The following PARD3 variants were observed in gnomAD, a reference collection of about 807,000 sequenced individuals.
PARD3 encodes partitioning defective 3 homolog.
In PARD3, 75 loss-of-function variants were observed where a neutral mutation model predicts 155.4. The ratio of observed to expected loss-of-function variants is 0.48; its 90% CI spans 0.40 to 0.58. The LOEUF (loss-of-function observed/expected upper bound fraction) is 0.58, where lower values mean the gene tolerates loss of function less well. Ranked by LOEUF, PARD3 falls within the 20% of genes least tolerant of loss-of-function variation. The probability of loss-of-function intolerance (pLI) is 0.00; values close to 1 mark genes in which losing one functional copy is unlikely to be tolerated. For missense variants in PARD3, 1,642 were observed against 1,721.7 expected (o/e 0.95, Z 0.82); for synonymous variants, 576 against 610.5 (o/e 0.94, Z 0.83).
intron 2 of PARD3, among the ~76,000 whole-genome samples, chr10:34,538,070 G>A (rs1158884857): frequency 1.3e-5 from 2 of 152,180 alleles, no homozygotes; most frequent in African/African-American, 2.4e-5. Context: ...ACAGAATATT[G>A]CACAAGACTG....
rs149685901 is a variant in PARD3 at position 34,334,935 on chromosome 10, T to G, written c.2605+1264A>C. Among the ~76,000 whole-genome samples, 62 of 152,016 alleles carry G rather than the reference T, an allele frequency of 4.1e-4. 1 individual carries two copies. The East Asian group carries it at 9.8e-3, about 24-fold the overall frequency. ...TTATAGTAGCTGTGAGTTGGTTAAA[T>G]TAAGTATTTTTCTTATTTTACCTAA... On this transcript the variant is annotated intron_variant, in intron 18 of 24. Coordinates refer to ENST00000374788, the MANE Select transcript of PARD3 (RefSeq NM_001184785.2).
intron 2 of PARD3, among the ~76,000 whole-genome samples, chr10:34,678,805 C>A (rs192497449): frequency 6.6e-6 from 1 of 151,686 alleles, no homozygotes; most frequent in African/African-American, 2.4e-5. Context: ...CAATTCCCCC[C>A]GCCCACCAAG....
At chr10:34,477,974 C>T (rs1017574059) in intron 3 of PARD3, among the ~76,000 whole-genome samples, 3 of 152,302 alleles carry the variant, frequency 2.0e-5, no homozygotes, top group East Asian at 1.9e-4. Context: ...CCTGTCATCA[C>T]GATTGCAAAA....
chr10:34,427,956 G>C (rs982890038), intron 5 of PARD3, among the ~76,000 whole-genome samples: 2 of 152,096 alleles, frequency 1.3e-5, no homozygotes, highest in South Asian at 4.1e-4. Flanking sequence ...GGGGGAGCTG[G>C]ACAGTGAAGT....
At chr10:34,197,874 C>T (rs916124392) in intron 22 of PARD3, among the ~76,000 whole-genome samples, 9 of 152,324 alleles carry the variant, frequency 5.9e-5, no homozygotes, top group South Asian at 2.1e-4. Context: ...GGACTACAGG[C>T]GCACGCCACC....
intron 20 of PARD3, among the ~76,000 whole-genome samples, chr10:34,315,141 T>C (rs765814056): frequency 6.6e-6 from 1 of 152,318 alleles, no homozygotes. Context: ...GCTTTCATTA[T>C]AGGTTATGGG....
At chr10:34,339,175 CT>C (rs1289219783) in intron 16 of PARD3, among the ~76,000 whole-genome samples, 1 of 152,164 alleles carries the variant, frequency 6.6e-6, no homozygotes, top group Non-Finnish European at 1.5e-5. Flanking sequence ...CAGTGGATCT[CT>C]TCAGTCACTC....
chr10:34,790,768 C>A (rs1025037168), intron 1 of PARD3, among the ~76,000 whole-genome samples: 1 of 152,064 alleles, frequency 6.6e-6, no homozygotes, highest in Non-Finnish European at 1.5e-5. Flanking sequence ...CTAAGTCATA[C>A]AAAAACTGAC....
intron 2 of PARD3, among the ~76,000 whole-genome samples, chr10:34,624,673 G>A (rs1476468976): frequency 2.6e-5 from 4 of 152,222 alleles, no homozygotes; most frequent in African/African-American, 9.6e-5. Context: ...GATGATGGTG[G>A]AGAGGACAGG....
intron 22 of PARD3, among the ~76,000 whole-genome samples, chr10:34,147,063 T>C (rs1948544845): frequency 6.6e-6 from 1 of 150,678 alleles, no homozygotes; most frequent in African/African-American, 2.5e-5. Context: ...GTCTCATCCA[T>C]CTTGAAAAGA....
chr10:34,480,854 T>C (rs1437238180), intron 3 of PARD3, among the ~76,000 whole-genome samples: 1 of 147,094 alleles, frequency 6.8e-6, no homozygotes, highest in Non-Finnish European at 1.5e-5. Context: ...CAGCCTGGAG[T>C]GCAGTGGCGC....
intron 2 of PARD3, among the ~76,000 whole-genome samples, chr10:34,681,703 TTTATA>T (rs1479718712): frequency 6.5e-5 from 9 of 138,100 alleles, no homozygotes; most frequent in Non-Finnish European, 1.4e-4. Flanking sequence ...ATTTTTATAT[TTTATA>T]TATGTATTTT....
At chr10:34,731,476 T>C (rs1228698425) in intron 1 of PARD3, among the ~76,000 whole-genome samples, 1 of 152,226 alleles carries the variant, frequency 6.6e-6, no homozygotes, top group African/African-American at 2.4e-5. Flanking sequence ...TCATTCCAAG[T>C]TTGTCTGAAA....
chr10:34,718,011 G>A (rs988156782), intron 1 of PARD3, among the ~76,000 whole-genome samples: 2 of 151,914 alleles, frequency 1.3e-5, no homozygotes, highest in African/African-American at 4.8e-5. Context: ...AAAATTAGTT[G>A]GGCATGGTGG....
At chr10:34,761,764 T>C (rs1390993876) in intron 1 of PARD3, among the ~76,000 whole-genome samples, 2 of 152,110 alleles carry the variant, frequency 1.3e-5, no homozygotes, top group African/African-American at 4.8e-5. Context: ...ACTATACTTC[T>C]ACAAAGAAAG....
rs78881575 is a variant in PARD3, at chr10:34,523,656, G to A, written c.223-6497C>T. Among the ~76,000 whole-genome samples, 447 of 152,276 alleles carry A rather than the reference G, an allele frequency of 2.9e-3. 1 individual carries two copies. Among genetic ancestry groups the A allele is most frequent in the African/African-American group, 0.01 (425 of 41,562 alleles). On this transcript the variant is annotated intron_variant, in intron 2 of 24. Transcript: ENST00000374788. ...TGACAGGGAGATGTCATGGGCAGAT[G>A]TGCCTATAAAGAAGAATGTAACAGA...
chr10:34,644,929 C>CT (rs1355979516), intron 2 of PARD3, among the ~76,000 whole-genome samples: 1 of 152,202 alleles, frequency 6.6e-6, no homozygotes, highest in Non-Finnish European at 1.5e-5. Context: ...TCCTGGCCCA[C>CT]TTCAGCCTTG....
intron 2 of PARD3, among the ~76,000 whole-genome samples, chr10:34,657,890 T>C (rs1283237498): frequency 1.3e-5 from 2 of 149,812 alleles, no homozygotes; most frequent in Non-Finnish European, 3.0e-5. Flanking sequence ...CTCACGCCTA[T>C]AATCCCAGCA....
chr10:34,109,843 C>CT lies in PARD3; in HGVS notation c.*1325dup, dbSNP rs1215130082. On this transcript the variant is annotated 3_prime_UTR_variant, in exon 25 of 25. Coordinates refer to ENST00000374788, the MANE Select transcript of PARD3 (RefSeq NM_001184785.2). ...AAAAAATAGACATATCCATACATGTCTTTTTTTCTGTTTTTAAAGTAAATA... is the reference window on the plus strand; with the variant it reads ...AAAAAATAGACATATCCATACATGTCTTTTTTTTCTGTTTTTAAAGTAAATA... The CT allele has an allele frequency of 1.3e-5, 2 of 151,946 alleles. No individual in the cohort carries two copies. The highest frequency in any genetic ancestry group is 2.9e-5 in the Non-Finnish European group (2 of 67,984). 9.4% of individuals were successfully genotyped at this position (151,946 alleles called of 1,614,324 possible).
Sources: allele counts gnomAD v4.1 joint callset (sites outside exome capture counted in the v4.1 genomes callset), GRCh38; gene constraint gnomAD v4.1.1; transcripts MANE v1.5; gene names NCBI Gene and HGNC (gene_info 2026-07-23, HGNC 2026-07-21).